Variants in IGF2R observed in about 807,000 individuals in gnomAD.
IGF2R encodes insulin like growth factor 2 receptor, also known as cation-independent mannose-6-phosphate receptor.
IGF2R carries 91 observed loss-of-function variants against 270.6 expected under a neutral mutation model. That is an observed-to-expected ratio of 0.34 (90% confidence interval 0.28 to 0.40). The LOEUF is 0.40. IGF2R is among the 10% of genes least tolerant of loss of function. The pLI is 1.00. For missense variants in IGF2R, 2,805 were observed against 3,188.3 expected (o/e 0.88, Z 2.90); for synonymous variants, 1,316 against 1,258.9 (o/e 1.05, Z -0.96).
chr6:160,043,906 C>G (rs1583276365), intron 12 of IGF2R, among the ~76,000 whole-genome samples: 1 of 152,206 alleles, frequency 6.6e-6, no homozygotes, highest in African/African-American at 2.4e-5. Context: ...TAGGAATTAT[C>G]TCGGTATTCA....
chr6:160,009,522 A>G (rs1452673339), intron 3 of IGF2R, among the ~76,000 whole-genome samples: 1 of 152,066 alleles, frequency 6.6e-6, no homozygotes, highest in Non-Finnish European at 1.5e-5. Flanking sequence ...TTCCTCATTT[A>G]TATTAAATTA....
chr6:160,089,276 G>A (rs1779166432), intron 43 of IGF2R, 23 bp downstream of exon 43: 3 of 1,592,242 alleles, frequency 1.9e-6, no homozygotes, highest in Middle Eastern at 1.7e-4. Context: ...TTTTCCTTCT[G>A]AGCTGTGAAA....
At chr6:160,057,995 C>G (rs1254616954) in intron 20 of IGF2R, 28 bp from the exon 21 acceptor site, 1 of 1,437,744 alleles carries the variant, frequency 7.0e-7, no homozygotes. Context: ...TTGAATGCGC[C>G]CCTTTTTCCC....
At position 160,044,814 on chromosome 6, in the gene IGF2R, T is replaced by C. The variant is rs1022193713; in HGVS notation, c.1765+157T>C. 3.3e-5 allele frequency among the ~76,000 whole-genome samples: 5 copies of C among 152,192 alleles called. No individual in the cohort carries two copies. The East Asian group carries it at 7.7e-4, about 23-fold the overall frequency. On this transcript the variant is annotated intron_variant, in intron 13 of 47. Coordinates refer to ENST00000356956, the MANE Select transcript of IGF2R (RefSeq NM_000876.4). Reference sequence around the variant, plus strand: ...CCAGACTCTGGCGATGGGAGATAGGTCATTTGGAATTTTTCCCTCATCCCC... The same window carrying C: ...CCAGACTCTGGCGATGGGAGATAGGCCATTTGGAATTTTTCCCTCATCCCC...
Position 160,040,433 on chromosome 6 carries a change from A to T in IGF2R, c.1316-127A>T. ...ACTCAGATCCCCATGGTCTCTAAAA[A>T]AACCTGGACCTGAATTTTTTAACGG... On this transcript the variant is annotated intron_variant, in intron 10 of 47. Coordinates refer to ENST00000356956, the MANE Select transcript of IGF2R (RefSeq NM_000876.4). 9 of 726,080 alleles carry T rather than the reference A, an allele frequency of 1.2e-5. 1 individual carries two copies. The South Asian group carries it at 1.6e-4, about 13-fold the overall frequency. The allele number at this position is 726,080 out of a possible 1,614,324, so 45.0% of individuals were successfully genotyped here. A position where few individuals can be genotyped will look rare whatever the true frequency, so the allele number is the denominator to read the frequency against.
intron 4 of IGF2R, 56 bp downstream of exon 4, chr6:160,010,841 C>T: frequency 1.0e-6 from 1 of 1,002,170 alleles, no homozygotes; most frequent in Non-Finnish European, 1.6e-6. Context: ...GGAACTTTAT[C>T]TTTCAAATAC....
In IGF2R at chr6:160,046,657, C is replaced by CT. The variant is rs745799879; in HGVS notation, c.2051+13dup. The CT allele has an allele frequency of 6.2e-7, 1 of 1,610,726 alleles. No individual in the cohort carries two copies. The highest frequency in any genetic ancestry group is 1.3e-5 in the African/African-American group (1 of 74,622). ...CAGGTGGCAAAAAGGCAAGTAGCTTCTCAGTTCTGTTTCATTCTTAGGCAT... is the reference window on the plus strand; with the variant it reads ...CAGGTGGCAAAAAGGCAAGTAGCTTCTTCAGTTCTGTTTCATTCTTAGGCAT... On this transcript the variant is annotated intron_variant, in intron 15 of 47. Coordinates refer to ENST00000356956, the MANE Select transcript of IGF2R (RefSeq NM_000876.4).
intron 18 of IGF2R, among the ~76,000 whole-genome samples, chr6:160,049,835 G>T (rs942977984): frequency 1.3e-5 from 2 of 152,146 alleles, no homozygotes; most frequent in African/African-American, 2.4e-5. Flanking sequence ...CCTGATGTGC[G>T]GCCAGTCAGT....
intron 19 of IGF2R, among the ~76,000 whole-genome samples, chr6:160,055,974 G>A (rs1473250742): frequency 6.6e-6 from 1 of 152,074 alleles, no homozygotes; most frequent in Non-Finnish European, 1.5e-5. Flanking sequence ...CTTCCCCCTA[G>A]GAGCCCTCCT....
chr6:160,010,654 G>A (rs1200124991), intron 3 of IGF2R, 33 bp from the exon 4 acceptor site: 1 of 1,198,740 alleles, frequency 8.3e-7, no homozygotes, highest in African/African-American at 1.5e-5. Context: ...TGTGTGGTAT[G>A]GTAACATTAT....
In IGF2R at chr6:160,060,713, C is replaced by A; in HGVS notation, c.3258C>A (p.Val1086=). Residue 1086 remains valine, a synonymous_variant, in exon 23 of 48, where the codon GTC becomes GTA. Coordinates refer to ENST00000356956, the MANE Select transcript of IGF2R (RefSeq NM_000876.4). The part of the protein sequence containing the change: ...ACVPSPVDCQ[V]TDLAGNEYDL... ...TTCCTTCTCCAGTGGACTGCCAAGTCACCGGTAAGGCCGTGCGGCCTAAGA... is the reference window on the plus strand; with the variant it reads ...TTCCTTCTCCAGTGGACTGCCAAGTAACCGGTAAGGCCGTGCGGCCTAAGA... 1 of 1,614,216 alleles carries A rather than the reference C, an allele frequency of 6.2e-7. No individual in the cohort carries two copies. The highest frequency in any genetic ancestry group is 1.1e-5 in the South Asian group (1 of 91,082).
Position 160,033,093 on chromosome 6 carries a change from C to T in IGF2R, c.1197C>T (p.His399=), listed in dbSNP as rs1322325934. ...AAGTCAAAGCAGCAGGAAGATACCA[C>T]AATCAGACCCTCCGGTACGTCAACA... ...TSQVKAAGRY[H]NQTLRYSDGD... The change falls in exon 9 of 48, where the codon CAC becomes CAT. Residue 399 remains histidine, a synonymous_variant. Coordinates refer to ENST00000356956, the MANE Select transcript of IGF2R (RefSeq NM_000876.4). 1.4e-5 allele frequency: 23 copies of T among 1,612,106 alleles called. No individual in the cohort carries two copies. Among genetic ancestry groups the T allele is most frequent in the Non-Finnish European group, 1.9e-5 (22 of 1,178,662 alleles).
chr6:160,073,560 T>G, intron 34 of IGF2R, 91 bp downstream of exon 34: 1 of 1,456,322 alleles, frequency 6.9e-7, no homozygotes, highest in Non-Finnish European at 9.4e-7. Flanking sequence ...CACTAGTAGA[T>G]GCCCAGCTGA....
chr6:160,089,847 T>G, intron 43 of IGF2R, 69 bp from the exon 44 acceptor site: 1 of 1,118,634 alleles, frequency 8.9e-7, no homozygotes, highest in Non-Finnish European at 1.2e-6. Context: ...TTCTGAGGAC[T>G]GAGGGTTTAT....
rs138451686 is a variant in IGF2R at position 160,046,591 on chromosome 6, C to T, written c.1997C>T (p.Pro666Leu). Residue 666 changes from proline to leucine, a missense_variant, in exon 15 of 48, where the codon CCG (proline) becomes CTG (leucine). This residue lies in a region of IGF2R where 954 missense variants were observed against 981.1 expected (regional missense o/e 0.97). Coordinates refer to ENST00000356956, the MANE Select transcript of IGF2R (RefSeq NM_000876.4). ...KYDFYINVCG[P>L]VSVSPCQPDS... The stretch of plus-strand genomic sequence containing the variant: ...GACTTTTATATAAATGTGTGTGGCC[C>T]GGTGTCTGTGAGCCCCTGTCAGCCA... 8.8e-4 allele frequency: 1,418 copies of T among 1,613,892 alleles called. 14 individuals are homozygous for T. In the African/African-American group the frequency reaches 0.013, roughly 15 times the overall value.
chr6:160,013,717 A>G (rs1411124941), intron 4 of IGF2R, among the ~76,000 whole-genome samples: 1 of 152,216 alleles, frequency 6.6e-6, no homozygotes, highest in Non-Finnish European at 1.5e-5. Context: ...TGAAGGACAT[A>G]TCCATATTCA....
At chr6:160,086,667 T>C (rs1779103385) in intron 41 of IGF2R, among the ~76,000 whole-genome samples, 1 of 152,222 alleles carries the variant, frequency 6.6e-6, no homozygotes. Context: ...GAATTCTTTT[T>C]TCCAAAATTT....
At chr6:160,057,311 C>G (rs569406561) in intron 20 of IGF2R, among the ~76,000 whole-genome samples, 2 of 152,342 alleles carry the variant, frequency 1.3e-5, no homozygotes, top group East Asian at 1.9e-4. Flanking sequence ...TCTGACCTCC[C>G]CAAGGTAGTG....
intron 4 of IGF2R, among the ~76,000 whole-genome samples, chr6:160,014,692 C>G (rs1777245801): frequency 1.3e-5 from 2 of 152,188 alleles, no homozygotes; most frequent in South Asian, 4.1e-4. Context: ...TTGCATCCTA[C>G]CCAGTCCACT....
Sources: allele counts gnomAD v4.1 joint callset (sites outside exome capture counted in the v4.1 genomes callset), GRCh38; gene constraint gnomAD v4.1.1; regional missense constraint gnomAD v4.1.1; transcripts MANE v1.5; gene names NCBI Gene and HGNC (gene_info 2026-07-23, HGNC 2026-07-21).